Variants in ZNF423 observed in about 807,000 individuals in gnomAD.
The protein encoded by ZNF423 is zinc finger protein 423, also known as Ebf-associated zinc finger protein.
In ZNF423, 12 loss-of-function variants were observed where a neutral mutation model predicts 95.8. The observed-to-expected ratio is 0.13, with a 90% CI of 0.08 to 0.20. The LOEUF is 0.20. ZNF423 is among the 10% of genes least tolerant of loss of function. The pLI is 1.00. For synonymous variants in ZNF423, 749 were observed against 711.9 expected, an observed-to-expected ratio of 1.05 and a Z score of -0.83; for missense variants, 1,316 against 1,737.1, an observed-to-expected ratio of 0.76 and a Z score of 4.31.
At chr16:49,839,215 G>A (rs931722705) in intron 1 of ZNF423, among the ~76,000 whole-genome samples, 1 of 151,936 alleles carries the variant, frequency 6.6e-6, no homozygotes, top group Non-Finnish European at 1.5e-5. Context: ...GACTCCAGGG[G>A]GACCGTGGAG....
At chr16:49,758,691 A>G (rs1272004498) in intron 2 of ZNF423, among the ~76,000 whole-genome samples, 4 of 152,178 alleles carry the variant, frequency 2.6e-5, no homozygotes, top group African/African-American at 9.7e-5. Flanking sequence ...GCAGTGAGCT[A>G]TGATGGCACC....
At chr16:49,688,049 G>T (rs921298190) in intron 3 of ZNF423, among the ~76,000 whole-genome samples, 1 of 95,196 alleles carries the variant, frequency 1.1e-5, no homozygotes, top group South Asian at 4.2e-4. Flanking sequence ...GCAGACCACG[G>T]TGCGGTTTTT....
chr16:49,622,035 G>A (rs183501700), intron 5 of ZNF423, among the ~76,000 whole-genome samples: 1 of 152,206 alleles, frequency 6.6e-6, no homozygotes, highest in Non-Finnish European at 1.5e-5. Flanking sequence ...TGGCTCCCTA[G>A]CGCTTAAGTC....
At chr16:49,846,605 T>C (rs2035249036) in intron 1 of ZNF423, among the ~76,000 whole-genome samples, 2 of 152,128 alleles carry the variant, frequency 1.3e-5, no homozygotes, top group African/African-American at 2.4e-5. Flanking sequence ...GTGCACTGCT[T>C]GCTGCTCCCC....
chr16:49,844,116 TAAAAAA>T (rs563357549), intron 1 of ZNF423, among the ~76,000 whole-genome samples: 3,969 of 132,310 alleles, frequency 0.03, 202 homozygotes, highest in African/African-American at 0.1. Context: ...CTCCATCTGT[TAAAAAA>T]AAAAAAAAAA....
At chr16:49,754,641 C>T (rs546661561) in intron 2 of ZNF423, among the ~76,000 whole-genome samples, 44 of 152,286 alleles carry the variant, frequency 2.9e-4, no homozygotes, top group Non-Finnish European at 5.4e-4. Context: ...GGACAGACAG[C>T]GTCTCAGCAG....
In ZNF423 at chr16:49,603,962, C is replaced by T. The variant is rs1971456537; in HGVS notation, c.3601+22208G>A. On this transcript the variant is annotated intron_variant, in intron 5 of 7. Coordinates refer to ENST00000563137, the MANE Select transcript of ZNF423 (RefSeq NM_001379286.1). The surrounding 1 kb of genome is among the most constrained non-coding windows in gnomAD (Gnocchi z 4.1). ...AAGGGCACAAGGATGCCAGAAATCTCCAAAGCCAAGCCCTGATACAGGGAG... is the reference window on the plus strand; with the variant it reads ...AAGGGCACAAGGATGCCAGAAATCTTCAAAGCCAAGCCCTGATACAGGGAG... Among the ~76,000 whole-genome samples the T allele has an allele frequency of 6.6e-6, 1 of 152,218 alleles. No homozygotes were observed. The highest frequency in any genetic ancestry group is 2.1e-4 in the South Asian group (1 of 4,832).
At chr16:49,552,902 C>T (rs926280879) in intron 5 of ZNF423, among the ~76,000 whole-genome samples, 5 of 151,840 alleles carry the variant, frequency 3.3e-5, no homozygotes, top group African/African-American at 1.2e-4. Flanking sequence ...AGAAGAGACC[C>T]GACCCCACCT....
intron 7 of ZNF423, among the ~76,000 whole-genome samples, chr16:49,512,851 T>C (rs979980395): frequency 3.3e-5 from 5 of 152,156 alleles, no homozygotes; most frequent in Admixed American, 2.0e-4. Context: ...ATCCCAGCAC[T>C]TTGAGAGGCC....
chr16:49,575,551 C>T lies in ZNF423; in HGVS notation c.3602-50057G>A, dbSNP rs573661637. Among the ~76,000 whole-genome samples, 8 of 152,282 alleles carry T rather than the reference C, an allele frequency of 5.3e-5. No homozygotes were observed. In the South Asian group the frequency reaches 1.5e-3, roughly 28 times the overall value. ...GGCTGCCCCAGTCCTCGTTCAGCAG[C>T]ACAGGGAGATAGGCCCGACTGTGCC... is the stretch of plus-strand genomic sequence containing the variant. On this transcript the variant is annotated intron_variant, in intron 5 of 7. Coordinates refer to ENST00000563137, the MANE Select transcript of ZNF423 (RefSeq NM_001379286.1).
At chr16:49,812,984 T>C (rs1035137272) in intron 1 of ZNF423, among the ~76,000 whole-genome samples, 1 of 152,136 alleles carries the variant, frequency 6.6e-6, no homozygotes, top group African/African-American at 2.4e-5. Context: ...TAAAAGTGTG[T>C]GTGTGTTCTA....
At chr16:49,857,005 CGG>C (rs1481424347), upstream of ZNF423, among the ~76,000 whole-genome samples, 1 of 148,928 alleles carries the variant, frequency 6.7e-6, no homozygotes, top group Non-Finnish European at 1.5e-5. The surrounding 1 kb of genome is among the most constrained non-coding windows in gnomAD (Gnocchi z 6.2). Flanking sequence ...CAGCCGGCGC[CGG>C]CCCGCCCGCC....
intron 5 of ZNF423, among the ~76,000 whole-genome samples, chr16:49,598,258 C>G (rs1023043858): frequency 6.6e-6 from 1 of 152,248 alleles, no homozygotes; most frequent in South Asian, 2.1e-4. Flanking sequence ...AGGTGTGTTA[C>G]TGAACCTCTC....
chr16:49,842,364 G>C (rs1044825965), intron 1 of ZNF423, among the ~76,000 whole-genome samples: 1 of 101,030 alleles, frequency 9.9e-6, no homozygotes, highest in African/African-American at 3.9e-5. Flanking sequence ...AAGGGAGAGA[G>C]ACAGGAAGGA....
At chr16:49,623,421 C>G (rs1308587786) in intron 5 of ZNF423, among the ~76,000 whole-genome samples, 3 of 152,218 alleles carry the variant, frequency 2.0e-5, no homozygotes, top group South Asian at 2.1e-4. Flanking sequence ...AGGCTCTGCA[C>G]TAAAGGCAAG....
rs2032690373 is a variant in ZNF423, at chr16:49,715,882, C to CA, written c.301+14888dup. Among the ~76,000 whole-genome samples the CA allele has an allele frequency of 2.7e-5, 4 of 150,468 alleles. No homozygotes were observed. In the South Asian group the frequency reaches 8.4e-4, roughly 32 times the overall value. On this transcript the variant is annotated intron_variant, in intron 3 of 7. Transcript: ENST00000563137. ...GAGAGACCCCATGTATGCAAAAAAT[C>CA]AAAAAAGTAGCTGGGCACAGTGGGG...
At chr16:49,692,008 G>A (rs1232152223) in intron 3 of ZNF423, among the ~76,000 whole-genome samples, 1 of 152,058 alleles carries the variant, frequency 6.6e-6, no homozygotes, top group Non-Finnish European at 1.5e-5. Flanking sequence ...GGAGTGCAGT[G>A]GTGCAATCGC....
chr16:49,656,347 C>T (rs1189421534), intron 3 of ZNF423, among the ~76,000 whole-genome samples: 1 of 151,976 alleles, frequency 6.6e-6, no homozygotes, highest in Non-Finnish European at 1.5e-5. Context: ...CCCGTCTCTA[C>T]TAAAATTATA....
intron 2 of ZNF423, among the ~76,000 whole-genome samples, chr16:49,756,553 G>A (rs1309975829): frequency 6.6e-6 from 1 of 152,104 alleles, no homozygotes; most frequent in African/African-American, 2.4e-5. Context: ...ATGACTCCAT[G>A]GCACCTTTCA....
Sources: gnomAD v4.1 joint callset for allele counts (sites outside exome capture counted in the v4.1 genomes callset) on GRCh38, gnomAD v4.1.1 for gene constraint, Gnocchi (gnomAD v3.1) non-coding constraint, MANE v1.5 for transcripts, NCBI Gene and HGNC (gene_info 2026-07-23, HGNC 2026-07-21) for gene names.